VWA5A: variants seen among roughly 807,000 people sequenced by gnomAD.
VWA5A encodes the protein von Willebrand factor A domain-containing protein 5A.
In VWA5A, 77 loss-of-function variants were observed where a neutral mutation model predicts 84.6. The ratio of observed to expected loss-of-function variants is 0.91; its 90% CI spans 0.76 to 1.10. VWA5A has a LOEUF of 1.10. Among genes scored for constraint, VWA5A ranks in the 50% least tolerant of loss-of-function variants. VWA5A has a pLI of 0.00. For synonymous variants in VWA5A, 334 were observed against 350.1 expected (o/e 0.95, Z 0.51); for missense variants, 973 against 963.0 (o/e 1.01, Z -0.14).
intron 17 of VWA5A, among the ~76,000 whole-genome samples, chr11:124,143,093 C>T (rs531000498): frequency 6.6e-6 from 1 of 152,190 alleles, no homozygotes; most frequent in South Asian, 2.1e-4. Flanking sequence ...TCTTGAGAAC[C>T]CCCAATAATA....
intron 17 of VWA5A, 23 bp downstream of exon 17, chr11:124,142,595 GT>G (rs1385547247): frequency 6.2e-7 from 1 of 1,613,556 alleles, no homozygotes; most frequent in Non-Finnish European, 8.5e-7. Flanking sequence ...GGAAAAAGGA[GT>G]ATGTATGTTT....
intron 15 of VWA5A, 86 bp from the exon 16 acceptor site, chr11:124,141,512 G>C (rs998428790): frequency 2.0e-6 from 3 of 1,534,728 alleles, no homozygotes; most frequent in Non-Finnish European, 1.8e-6. Flanking sequence ...GTGTGGATGG[G>C]GGGGTATGTA....
chr11:124,119,063 A>G lies in VWA5A; in HGVS notation c.734A>G (p.Glu245Gly), dbSNP rs1864890017. ...NEVHTPSVVL[E>G]MGMPNMKPGH... Reference sequence around the variant, plus strand: ...GTGCATACCCCCAGCGTGGTTTTGGAGATGGGGATGCCTAACATGAAGCCA... The same window carrying G: ...GTGCATACCCCCAGCGTGGTTTTGGGGATGGGGATGCCTAACATGAAGCCA... The change falls in exon 7 of 19, where the codon GAG becomes GGG. Residue 245 changes from glutamate (E) to glycine (G), a missense_variant. Glu to Gly is a moderately conservative substitution (Grantham distance 98). Coordinates refer to ENST00000456829, the MANE Select transcript of VWA5A (RefSeq NM_001130142.2). 6 of 1,614,028 alleles carry G rather than the reference A, an allele frequency of 3.7e-6. No individual in the cohort carries two copies. Among genetic ancestry groups the G allele is most frequent in the Non-Finnish European group, 5.1e-6 (6 of 1,180,026 alleles).
rs535840529 is a variant in VWA5A at position 124,129,655 on chromosome 11, G to A, written c.1245-5265G>A. 3.4e-3 allele frequency among the ~76,000 whole-genome samples: 515 copies of A among 152,190 alleles called. 6 individuals are homozygous for A. Among genetic ancestry groups the A allele is most frequent in the Non-Finnish European group, 3.5e-3 (237 of 68,000 alleles). On this transcript the variant is annotated intron_variant, in intron 11 of 18. Coordinates refer to ENST00000456829, the MANE Select transcript of VWA5A (RefSeq NM_001130142.2). ...ACTATTAATTACTGCCTCAATTTCG[G>A]AACTTGTTATTGGTCTATTCAGGGA...
chr11:124,130,770 A>G (rs369787325), intron 11 of VWA5A, among the ~76,000 whole-genome samples: 85 of 152,248 alleles, frequency 5.6e-4, no homozygotes, highest in Middle Eastern at 6.8e-3. Context: ...AAGCCCTTGA[A>G]GAAATAGTTT....
Position 124,123,734 on chromosome 11 carries a change from G to A in VWA5A, c.1094G>A (p.Gly365Glu), listed in dbSNP as rs774467392. Reference sequence around the variant, plus strand: ...GTGAAGCTTATGCAGGCCGACCTAGGGGGCACTGAAATCTTGGCACCACTC... The same window carrying A: ...GTGAAGCTTATGCAGGCCGACCTAGAGGGCACTGAAATCTTGGCACCACTC... Reference protein sequence around the residue: ...GRVKLMQADLGGTEILAPLQN... With the variant: ...GRVKLMQADLEGTEILAPLQN... The change falls in exon 10 of 19, where the codon GGG becomes GAG. Residue 365 changes from glycine (G) to glutamate (E), a missense_variant. By Grantham distance (98) the Gly-to-Glu change is moderately conservative. Transcript: ENST00000456829. 86 of 1,611,472 alleles carry A rather than the reference G, an allele frequency of 5.3e-5. No individual in the cohort carries two copies. Among genetic ancestry groups the A allele is most frequent in the Non-Finnish European group, 6.4e-5 (76 of 1,179,176 alleles).
At chr11:124,133,818 A>T (rs1396226353) in intron 11 of VWA5A, among the ~76,000 whole-genome samples, 4 of 152,196 alleles carry the variant, frequency 2.6e-5, no homozygotes, top group Admixed American at 1.3e-4. Flanking sequence ...GTGCTATATA[A>T]AATTTTGCTA....
At chr11:124,132,822 A>G (rs1865117796) in intron 11 of VWA5A, among the ~76,000 whole-genome samples, 1 of 151,916 alleles carries the variant, frequency 6.6e-6, no homozygotes, top group Admixed American at 6.6e-5. Flanking sequence ...ATCCTTTTTT[A>G]ACATCTTGAG....
intron 11 of VWA5A, among the ~76,000 whole-genome samples, chr11:124,128,714 A>G (rs543494665): frequency 2.4e-4 from 37 of 152,230 alleles, no homozygotes; most frequent in Admixed American, 1.6e-3. Context: ...TGTAAGTTGT[A>G]TTCATAGGTA....
At chr11:124,135,097 G>A (rs1865154602) in intron 12 of VWA5A, 63 bp downstream of exon 12, 1 of 1,420,802 alleles carries the variant, frequency 7.0e-7, no homozygotes, top group African/African-American at 1.4e-5. Context: ...GGAACGGGGT[G>A]GGGAACACTG....
At chr11:124,126,086 G>T (rs1865014751) in intron 11 of VWA5A, among the ~76,000 whole-genome samples, 1 of 151,960 alleles carries the variant, frequency 6.6e-6, no homozygotes, top group East Asian at 1.9e-4. Flanking sequence ...CCATTGCATT[G>T]GTCTATTCAT....
chr11:124,125,230 GA>G (rs752905001), intron 11 of VWA5A, among the ~76,000 whole-genome samples: 2 of 151,370 alleles, frequency 1.3e-5, no homozygotes, highest in Non-Finnish European at 2.9e-5. Context: ...TCCAAAACAT[GA>G]TATTGTTTGT....
At chr11:124,123,636 A>T in intron 9 of VWA5A, 24 bp from the exon 10 acceptor site, 1 of 1,614,120 alleles carries the variant, frequency 6.2e-7, no homozygotes. Flanking sequence ...CCCTCATGTA[A>T]CTGGGTGTGT....
chr11:124,145,882 G>A lies in VWA5A; in HGVS notation c.2298G>A (p.Ser766=), dbSNP rs1031807442. The change falls in exon 19 of 19, where the codon TCG becomes TCA. Residue 766 remains serine, a synonymous_variant. Coordinates refer to ENST00000456829, the MANE Select transcript of VWA5A (RefSeq NM_001130142.2). ...TCACCACAGGCTCCACCATGCCTTC[G>A]GTTGTGAAAGCTGCTATTACTTTCC... The part of the protein sequence containing the change: ...MRAHAGSTMP[S]VVKAAITFLK... The A allele has an allele frequency of 1.3e-5, 21 of 1,583,770 alleles. No individual in the cohort carries two copies. Among genetic ancestry groups the A allele is most frequent in the African/African-American group, 5.4e-5 (4 of 74,318 alleles).
chr11:124,123,630 C>T lies in VWA5A; in HGVS notation c.1020-30C>T, dbSNP rs369164205. ...ATACTGGGCAAGGTTAAGTAACCCT[C>T]ATGTAACTGGGTGTGTTTGTTTTTC... On this transcript the variant is annotated intron_variant, in intron 9 of 18. Transcript: ENST00000456829. 1.6e-5 allele frequency: 26 copies of T among 1,614,116 alleles called. No individual in the cohort carries two copies. The African/African-American group carries it at 3.3e-4, about 21-fold the overall frequency.
Position 124,119,098 on chromosome 11 carries a change from T to G in VWA5A, c.760+9T>G. 6.2e-7 allele frequency: 1 copy of G among 1,611,620 alleles called. No homozygotes were observed. The highest frequency in any genetic ancestry group is 2.2e-5 in the East Asian group (1 of 44,824). ...GCCTAACATGAAGCCAGGTATTTTCTTTCTTCCTTTGTAGTCATCCCCTAA... is the reference window on the plus strand; with the variant it reads ...GCCTAACATGAAGCCAGGTATTTTCGTTCTTCCTTTGTAGTCATCCCCTAA... On this transcript the variant is annotated intron_variant, in intron 7 of 18. Coordinates refer to ENST00000456829, the MANE Select transcript of VWA5A (RefSeq NM_001130142.2).
chr11:124,125,044 G>A (rs186398896), intron 11 of VWA5A, among the ~76,000 whole-genome samples: 2 of 152,018 alleles, frequency 1.3e-5, no homozygotes, highest in South Asian at 4.1e-4. Context: ...TTGTATTCTT[G>A]TACATGTATT....
At chr11:124,117,394 C>A in intron 2 of VWA5A, 103 bp from the exon 3 acceptor site, 2 of 1,131,684 alleles carry the variant, frequency 1.8e-6, no homozygotes, top group Non-Finnish European at 2.7e-6. Context: ...CCAACATTAA[C>A]CCTTTGAATG....
At chr11:124,133,453 C>G (rs544362607) in intron 11 of VWA5A, among the ~76,000 whole-genome samples, 204 of 152,346 alleles carry the variant, frequency 1.3e-3, no homozygotes, top group African/African-American at 4.7e-3. Context: ...TGGCTTCTCT[C>G]TTCTCCCAGG....
Sources: allele counts gnomAD v4.1 joint callset (sites outside exome capture counted in the v4.1 genomes callset), GRCh38; gene constraint gnomAD v4.1.1; transcripts MANE v1.5; gene names NCBI Gene and HGNC (gene_info 2026-07-23, HGNC 2026-07-21).